Variants in VPS13D observed in about 807,000 individuals in gnomAD.
VPS13D encodes the protein vacuolar protein sorting 13 homolog D, also known as intermembrane lipid transfer protein VPS13D.
VPS13D carries 187 observed loss-of-function variants against 461.9 expected under a neutral mutation model. The ratio of observed to expected loss-of-function variants is 0.40; its 90% CI spans 0.36 to 0.46. VPS13D has a LOEUF of 0.46. Ranked by LOEUF, VPS13D falls within the 20% of genes least tolerant of loss-of-function variation. The probability of loss-of-function intolerance (pLI) is 0.60; values close to 1 mark genes in which losing one functional copy is unlikely to be tolerated. For missense variants in VPS13D, 4,711 were observed against 5,364.9 expected, an observed-to-expected ratio of 0.88 and a Z score of 3.81; for synonymous variants, 1,951 against 1,986.3, an observed-to-expected ratio of 0.98 and a Z score of 0.47.
intron 63 of VPS13D, among the ~76,000 whole-genome samples, chr1:12,409,322 A>T (rs533128809): frequency 6.6e-6 from 1 of 152,192 alleles, no homozygotes; most frequent in African/African-American, 2.4e-5. Flanking sequence ...CCTTTCTTCC[A>T]TTATATGATT....
At chr1:12,406,129 C>T (rs1195391192) in intron 63 of VPS13D, among the ~76,000 whole-genome samples, 2 of 152,078 alleles carry the variant, frequency 1.3e-5, no homozygotes, top group African/African-American at 2.4e-5. Context: ...GTAGGGGGCA[C>T]GCCGAGTGTA....
At chr1:12,364,519 T>C (rs546040331) in intron 52 of VPS13D, among the ~76,000 whole-genome samples, 9 of 152,316 alleles carry the variant, frequency 5.9e-5, no homozygotes, top group African/African-American at 2.2e-4. Context: ...AATTGTTGGA[T>C]CACATGATCA....
rs1386624586 is a variant in VPS13D at position 12,299,923 on chromosome 1, G to A, written c.6216+539G>A. Among the ~76,000 whole-genome samples, 4 of 130,040 alleles carry A rather than the reference G, an allele frequency of 3.1e-5. No homozygotes were observed. The highest frequency in any genetic ancestry group is 2.2e-4 in the East Asian group (1 of 4,622). 85.3% of individuals were successfully genotyped at this position (130,040 alleles called of 152,430 possible). A position where few individuals can be genotyped will look rare whatever the true frequency, so the allele number is the denominator to read the frequency against. Reference sequence around the variant, plus strand: ...CACCTTTTTTTTTTTTTCAACTTTTGTTTTAGATACAGGGGGTACATGTGC... The same window carrying A: ...CACCTTTTTTTTTTTTTCAACTTTTATTTTAGATACAGGGGGTACATGTGC... On this transcript the variant is annotated intron_variant, in intron 25 of 69. Transcript: ENST00000620676. This position sits in a 1 kb window ranked among gnomAD's most constrained non-coding sequence, Gnocchi z 4.2.
chr1:12,447,707 A>G lies in VPS13D; in HGVS notation c.12334-8291A>G, dbSNP rs556049490. On this transcript the variant is annotated intron_variant, in intron 65 of 69. Transcript: ENST00000620676. The stretch of plus-strand genomic sequence containing the variant: ...ATCTATGATTATTCTCTCTGATGTC[A>G]TCAGCCTCCTTTCTTCTAAGCCTTT... Among the ~76,000 whole-genome samples the G allele has an allele frequency of 9.2e-5, 14 of 152,352 alleles. No individual in the cohort carries two copies. The East Asian group carries it at 2.1e-3, about 23-fold the overall frequency.
At chr1:12,371,801 G>A (rs562879736) in intron 54 of VPS13D, among the ~76,000 whole-genome samples, 16 of 152,036 alleles carry the variant, frequency 1.1e-4, no homozygotes, top group Admixed American at 2.6e-4. Flanking sequence ...TTGTTTCTGC[G>A]TTTTGGCTAT....
intron 27 of VPS13D, 103 bp downstream of exon 27, chr1:12,308,744 G>C: frequency 2.8e-6 from 3 of 1,078,668 alleles, no homozygotes; most frequent in Non-Finnish European, 4.0e-6. Flanking sequence ...CCACCTCTGA[G>C]GTTCAAGTGA....
intron 23 of VPS13D, among the ~76,000 whole-genome samples, chr1:12,291,809 A>G (rs1428594861): frequency 6.6e-5 from 10 of 152,224 alleles, no homozygotes; most frequent in Non-Finnish European, 7.3e-5. Flanking sequence ...CTGAGCTTCC[A>G]TGTAGCTCTA....
chr1:12,283,092 A>G lies in VPS13D; in HGVS notation c.4990A>G (p.Ile1664Val), dbSNP rs753565202. The G allele has an allele frequency of 1.1e-5, 17 of 1,614,086 alleles. No individual in the cohort carries two copies. Among genetic ancestry groups the G allele is most frequent in the Non-Finnish European group, 1.4e-5 (16 of 1,180,032 alleles). ...TAAAGACCATCCCCAGACTTTATCT[A>G]TTCAGATTGCCCTGCATTCTCTGCT... ...FSKDHPQTLS[I>V]QIALHSLLME... The change falls in exon 21 of 70, where the codon ATT becomes GTT. Residue 1664 changes from isoleucine (I) to valine (V), a missense_variant. Physicochemically the swap from Ile to Val is conservative, Grantham distance 29 (BLOSUM62 3). Coordinates refer to ENST00000620676, the MANE Select transcript of VPS13D (RefSeq NM_015378.4).
chr1:12,236,272 G>A (rs1640144584), intron 2 of VPS13D, among the ~76,000 whole-genome samples: 1 of 152,122 alleles, frequency 6.6e-6, no homozygotes, highest in Non-Finnish European at 1.5e-5. Context: ...TTGGGGGCAT[G>A]GAATTGTACT....
Position 12,299,484 on chromosome 1 carries a change from C to T in VPS13D, c.6216+100C>T, listed in dbSNP as rs1642362366. ...GTAAGATGATCCATAATTGCTATTA[C>T]TTTTGTAGGGTATGTGGCTTGAAGA... On this transcript the variant is annotated intron_variant, in intron 25 of 69. Transcript: ENST00000620676. This position sits in a 1 kb window ranked among gnomAD's most constrained non-coding sequence, Gnocchi z 4.2. 12 of 1,372,376 alleles carry T rather than the reference C, an allele frequency of 8.7e-6. No homozygotes were observed. The highest frequency in any genetic ancestry group is 1.2e-5 in the Non-Finnish European group (12 of 1,024,110). The allele number at this position is 1,372,376 out of a possible 1,614,324, so 85.0% of individuals were successfully genotyped here. A position where few individuals can be genotyped will look rare whatever the true frequency, so the allele number is the denominator to read the frequency against.
rs369685060 is a variant in VPS13D at position 12,258,014 on chromosome 1, T to C, written c.1021T>C (p.Phe341Leu). Residue 341 changes from phenylalanine (F) to leucine (L), a missense_variant, in exon 10 of 70, where the codon TTT becomes CTT. Around this residue, in one of 3 missense-constraint regions of VPS13D, gnomAD observed 4,411 missense variants for 4,937.8 expected, o/e 0.89. Transcript: ENST00000620676. ...REQRKRCTWD[F>L]MLHRARDAVS... ...GCAGAGGAAACGTTGCACCTGGGAC[T>C]TTATGTTGCACCGCGCTCGTGATGC... The C allele has an allele frequency of 1.9e-6, 3 of 1,614,088 alleles. No homozygotes were observed. The highest frequency in any genetic ancestry group is 2.5e-6 in the Non-Finnish European group (3 of 1,180,038).
intron 26 of VPS13D, 57 bp from the exon 27 acceptor site, chr1:12,308,374 C>T (rs1642629023): frequency 3.2e-6 from 5 of 1,578,160 alleles, no homozygotes; most frequent in Non-Finnish European, 4.3e-6. Context: ...TTGTTTAGTG[C>T]AACCCCTTTT....
At chr1:12,396,029 A>ATATATATATATATATATATATATATATAT (rs1553187933) in intron 60 of VPS13D, among the ~76,000 whole-genome samples, 2 of 119,870 alleles carry the variant, frequency 1.7e-5, no homozygotes, top group Admixed American at 9.6e-5. Context: ...ATATATATAT[A>ATATATATATATATATATATATATATATAT]GTTCTTTAAG....
rs1176586732 is a variant in VPS13D at position 12,495,146 on chromosome 1, TACC to T, written c.12663-2353_12663-2351del. On this transcript the variant is annotated intron_variant, in intron 67 of 69. Transcript: ENST00000620676. The surrounding 1 kb of genome is among the most constrained non-coding windows in gnomAD (Gnocchi z 4.0). The stretch of plus-strand genomic sequence containing the variant: ...AGCAGATGACTGACTTGATGTAACT[TACC>T]TTTTTTTTTTTTTTTTTTGAGACAG... 6.7e-6 allele frequency among the ~76,000 whole-genome samples: 1 copy of T among 150,196 alleles called. No individual in the cohort carries two copies. The highest frequency in any genetic ancestry group is 1.5e-5 in the Non-Finnish European group (1 of 67,734).
intron 10 of VPS13D, 61 bp from the exon 11 acceptor site, chr1:12,260,632 G>C (rs571911395): frequency 1.4e-6 from 2 of 1,430,702 alleles, no homozygotes; most frequent in East Asian, 4.8e-5. Context: ...AGGGTGTCCA[G>C]TGTCTCTGGA....
At chr1:12,436,147 A>C (rs1391388081) in intron 65 of VPS13D, among the ~76,000 whole-genome samples, 1 of 152,218 alleles carries the variant, frequency 6.6e-6, no homozygotes, top group Non-Finnish European at 1.5e-5. Flanking sequence ...TGGGGTCACC[A>C]TCCAGCAGGG....
chr1:12,439,814 T>C (rs1243866296), intron 65 of VPS13D, among the ~76,000 whole-genome samples: 1 of 152,206 alleles, frequency 6.6e-6, no homozygotes, highest in Non-Finnish European at 1.5e-5. Flanking sequence ...ATGAAGACAC[T>C]GAGGCTCTGA....
chr1:12,252,879 C>T (rs1405040917), intron 6 of VPS13D, among the ~76,000 whole-genome samples: 1 of 151,222 alleles, frequency 6.6e-6, no homozygotes, highest in Non-Finnish European at 1.5e-5. Context: ...AAATTCAGGA[C>T]TGGGCGTGGT....
In VPS13D at chr1:12,414,950, C is replaced by A. The variant is rs932496642; in HGVS notation, c.12031-137C>A. The A allele has an allele frequency of 1.0e-5, 10 of 986,710 alleles. No individual in the cohort carries two copies. The East Asian group carries it at 2.1e-4, about 21-fold the overall frequency. 61.1% of individuals were successfully genotyped at this position (986,710 alleles called of 1,614,324 possible). A position where few individuals can be genotyped will look rare whatever the true frequency, so the allele number is the denominator to read the frequency against. ...TTACTTTTATAGTTATAGGGAAAAT[C>A]CTTATTTATAAACATCAAAACCTGA... is the stretch of plus-strand genomic sequence containing the variant. On this transcript the variant is annotated intron_variant, in intron 63 of 69. Coordinates refer to ENST00000620676, the MANE Select transcript of VPS13D (RefSeq NM_015378.4).
Sources: gnomAD v4.1 joint callset for allele counts (sites outside exome capture counted in the v4.1 genomes callset) on GRCh38, gnomAD v4.1.1 for gene constraint, gnomAD v4.1.1 regional missense constraint, Gnocchi (gnomAD v3.1) non-coding constraint, MANE v1.5 for transcripts, NCBI Gene and HGNC (gene_info 2026-07-23, HGNC 2026-07-21) for gene names.